CTNNA2: variants seen among roughly 807,000 people sequenced by gnomAD.
CTNNA2 encodes catenin alpha 2.
CTNNA2 carries 42 observed loss-of-function variants against 101.0 expected under a neutral mutation model. The ratio of observed to expected loss-of-function variants is 0.42; its 90% confidence interval spans 0.32 to 0.54. The LOEUF (loss-of-function observed/expected upper bound fraction) is 0.54, where lower values mean the gene tolerates loss of function less well. Ranked by LOEUF, CTNNA2 falls within the 20% of genes least tolerant of loss-of-function variation. CTNNA2 has a pLI of 0.14. For missense variants in CTNNA2, 871 were observed against 1,223.1 expected (o/e 0.71, Z 4.29); for synonymous variants, 450 against 456.4 (o/e 0.99, Z 0.18).
At chr2:79,658,616 A>C (rs1236938298) in intron 2 of CTNNA2, among the ~76,000 whole-genome samples, 2 of 152,064 alleles carry the variant, frequency 1.3e-5, no homozygotes, top group Non-Finnish European at 2.9e-5. Flanking sequence ...CTTTTCAGGA[A>C]GCTAATGAAG....
Position 80,407,505 on chromosome 2 carries a change from A to G in CTNNA2, c.1138-11944A>G, listed in dbSNP as rs137885658. ...ATGTTGTATTGACTGCTTTTGTGCT[A>G]CAACTGCAGACTTGCGTAGTCATGA... On this transcript the variant is annotated intron_variant, in intron 8 of 18. Transcript: ENST00000402739. Among the ~76,000 whole-genome samples the G allele has an allele frequency of 2.5e-3, 383 of 152,304 alleles. 2 individuals carry two copies. The highest frequency in any genetic ancestry group is 8.5e-3 in the African/African-American group (353 of 41,574).
At chr2:79,290,308 C>T (rs998281117) in intron 2 of CTNNA2, among the ~76,000 whole-genome samples, 1 of 152,052 alleles carries the variant, frequency 6.6e-6, no homozygotes, top group African/African-American at 2.4e-5. Context: ...CACAGAAGCC[C>T]CTGGAGCAAC....
At chr2:79,848,329 A>G (rs891636595) in intron 3 of CTNNA2, among the ~76,000 whole-genome samples, 1 of 152,110 alleles carries the variant, frequency 6.6e-6, no homozygotes, top group Non-Finnish European at 1.5e-5. Flanking sequence ...TCTATATGCC[A>G]TTTTTCTCTT....
Position 80,302,463 on chromosome 2 carries a change from A to AAC in CTNNA2, c.1057-90745_1057-90744dup. Reference sequence around the variant, plus strand: ...CTGAGCTGCCTGAGGCTGGCTGGGAAACACTTCCAGGACACGTAGAGCACC... The same window carrying AAC: ...CTGAGCTGCCTGAGGCTGGCTGGGAAACACACTTCCAGGACACGTAGAGCACC... On this transcript the variant is annotated intron_variant, in intron 7 of 18. Coordinates refer to ENST00000402739, the MANE Select transcript of CTNNA2 (RefSeq NM_001282597.3). The surrounding 1 kb of genome is among the most constrained non-coding windows in gnomAD (Gnocchi z 6.4). 1 of 1,614,160 alleles carries AAC rather than the reference A, an allele frequency of 6.2e-7. No homozygotes were observed.
At chr2:79,687,506 G>A (rs563991586) in intron 2 of CTNNA2, 23 of 620,948 alleles carry the variant, frequency 3.7e-5, no homozygotes, top group Non-Finnish European at 6.4e-5. Flanking sequence ...GCATTACCCA[G>A]AGGGCACACA....
chr2:79,199,263 C>T (rs761500931), intron 2 of CTNNA2, among the ~76,000 whole-genome samples: 81 of 152,186 alleles, frequency 5.3e-4, no homozygotes, highest in Non-Finnish European at 1.0e-3. Context: ...TCCTGCACCA[C>T]CCCTCTCTAC....
chr2:80,125,998 C>T (rs549823969), intron 7 of CTNNA2, among the ~76,000 whole-genome samples: 82 of 152,214 alleles, frequency 5.4e-4, no homozygotes, highest in African/African-American at 1.2e-3. Context: ...TACTATAACT[C>T]GCACTCAGCC....
chr2:79,949,503 C>T (rs1688731546), intron 7 of CTNNA2, among the ~76,000 whole-genome samples: 1 of 152,190 alleles, frequency 6.6e-6, no homozygotes. Flanking sequence ...CGAAGTGGCT[C>T]ATCCCTATAA....
chr2:79,741,979 C>T (rs1671316623), intron 2 of CTNNA2, among the ~76,000 whole-genome samples: 1 of 152,002 alleles, frequency 6.6e-6, no homozygotes, highest in Admixed American at 6.6e-5. Flanking sequence ...TTTTCCCTTT[C>T]TTCCCTTTGT....
chr2:80,578,126 G>A (rs1423830321), intron 13 of CTNNA2, among the ~76,000 whole-genome samples: 1 of 152,122 alleles, frequency 6.6e-6, no homozygotes, highest in Non-Finnish European at 1.5e-5. Context: ...TGATCTCCCT[G>A]GGCCCCTGTA....
At chr2:80,347,816 A>G (rs963972692) in intron 7 of CTNNA2, among the ~76,000 whole-genome samples, 15 of 148,816 alleles carry the variant, frequency 1.0e-4, no homozygotes, top group African/African-American at 3.8e-4. Flanking sequence ...TCATTTGCAC[A>G]TTATCTTTTC....
At chr2:79,269,764 T>G (rs1377562965) in intron 2 of CTNNA2, among the ~76,000 whole-genome samples, 2 of 152,228 alleles carry the variant, frequency 1.3e-5, no homozygotes, top group South Asian at 2.1e-4. Flanking sequence ...TATGCACTAC[T>G]ATCAAGTGCC....
At chr2:80,291,601 T>G (rs2149180188) in intron 7 of CTNNA2, among the ~76,000 whole-genome samples, 1 of 152,332 alleles carries the variant, frequency 6.6e-6, no homozygotes, top group East Asian at 1.9e-4. Context: ...TGAAGATGTA[T>G]GCTTAGTGTC....
At chr2:79,262,023 T>C (rs1674928804) in intron 2 of CTNNA2, among the ~76,000 whole-genome samples, 1 of 152,162 alleles carries the variant, frequency 6.6e-6, no homozygotes, top group Non-Finnish European at 1.5e-5. Context: ...GGAGCATGTC[T>C]AGGTCTGGGC....
chr2:80,151,192 A>G (rs1703671826), intron 7 of CTNNA2, among the ~76,000 whole-genome samples: 1 of 152,064 alleles, frequency 6.6e-6, no homozygotes, highest in African/African-American at 2.4e-5. Flanking sequence ...TGTTTGGTCT[A>G]TTTATATTTC....
At chr2:80,475,742 G>T (rs1028615217) in intron 9 of CTNNA2, among the ~76,000 whole-genome samples, 1 of 152,058 alleles carries the variant, frequency 6.6e-6, no homozygotes, top group Non-Finnish European at 1.5e-5. Context: ...TCCTAGAGAG[G>T]TCTCAAACTG....
At chr2:80,379,013 T>C (rs891391051) in intron 7 of CTNNA2, among the ~76,000 whole-genome samples, 1 of 152,010 alleles carries the variant, frequency 6.6e-6, no homozygotes, top group Admixed American at 6.6e-5. Flanking sequence ...GAGATTATTA[T>C]GGGGTGCTCA....
chr2:80,313,657 A>G (rs1677823640), intron 7 of CTNNA2: 2 of 1,601,182 alleles, frequency 1.2e-6, no homozygotes, highest in Non-Finnish European at 8.5e-7. Context: ...GAGCACAGGT[A>G]TGCAGGAGAA....
intron 2 of CTNNA2, among the ~76,000 whole-genome samples, chr2:79,709,182 G>T (rs1293465218): frequency 6.6e-6 from 1 of 152,124 alleles, no homozygotes; most frequent in Non-Finnish European, 1.5e-5. Flanking sequence ...TGACCCTAGG[G>T]AAGGTGACAG....
Sources: gnomAD v4.1 joint callset for allele counts (sites outside exome capture counted in the v4.1 genomes callset) on GRCh38, gnomAD v4.1.1 for gene constraint, Gnocchi (gnomAD v3.1) non-coding constraint, MANE v1.5 for transcripts, NCBI Gene and HGNC (gene_info 2026-07-23, HGNC 2026-07-21) for gene names.